PCDHA3: variants seen among roughly 807,000 people sequenced by gnomAD.
PCDHA3 encodes protocadherin alpha 3, also known as protocadherin alpha-3.
A neutral mutation model predicts 62.2 loss-of-function variants in PCDHA3; 41 were observed. The ratio of observed to expected loss-of-function variants is 0.66; its 90% CI spans 0.51 to 0.86. The LOEUF is 0.86. Among genes scored for constraint, PCDHA3 ranks in the 40% least tolerant of loss-of-function variants. The pLI is 0.00. For synonymous variants in PCDHA3, 640 were observed against 555.4 expected, an observed-to-expected ratio of 1.15 and a Z score of -2.14; for missense variants, 1,304 against 1,241.2, an observed-to-expected ratio of 1.05 and a Z score of -0.76.
chr5:140,974,322 G>A (rs11743888), intron 1 of PCDHA3, among the ~76,000 whole-genome samples: 7,497 of 152,260 alleles, frequency 0.049, 207 homozygotes, highest in Middle Eastern at 0.068. Flanking sequence ...GAGAGTAGCT[G>A]CTGTGCTAGC....
At chr5:140,915,207 A>G (rs1238146165) in intron 1 of PCDHA3, among the ~76,000 whole-genome samples, 2 of 152,154 alleles carry the variant, frequency 1.3e-5, no homozygotes, top group Non-Finnish European at 2.9e-5. Flanking sequence ...TTGGCCTCCC[A>G]AAGTGCTGGG....
chr5:140,823,120 G>C (rs868916716), intron 1 of PCDHA3: 3 of 1,613,940 alleles, frequency 1.9e-6, no homozygotes, highest in African/African-American at 1.3e-5. Flanking sequence ...CGACGTGAAC[G>C]ACAACGCTCC....
intron 1 of PCDHA3, chr5:140,883,321 C>T: frequency 6.2e-7 from 1 of 1,614,120 alleles, no homozygotes; most frequent in South Asian, 1.1e-5. Flanking sequence ...CAGAGGTTAC[C>T]ATCACTTCTT....
chr5:140,876,212 A>G lies in PCDHA3; in HGVS notation c.2394+72621A>G, dbSNP rs782252921. On this transcript the variant is annotated intron_variant, in intron 1 of 3. Coordinates refer to ENST00000522353, the MANE Select transcript of PCDHA3 (RefSeq NM_018906.3). Reference sequence around the variant, plus strand: ...GGTCCGGCGTTTGATAAGCCCAGCTATAAAGTAGTGTTGTCTGAAAATGTC... The same window carrying G: ...GGTCCGGCGTTTGATAAGCCCAGCTGTAAAGTAGTGTTGTCTGAAAATGTC... 5.6e-6 allele frequency: 9 copies of G among 1,613,994 alleles called. No individual in the cohort carries two copies. In the East Asian group the frequency reaches 2.0e-4, roughly 36 times the overall value.
intron 3 of PCDHA3, among the ~76,000 whole-genome samples, chr5:140,994,980 C>A (rs1311252472): frequency 4.6e-5 from 7 of 151,992 alleles, no homozygotes; most frequent in Admixed American, 1.3e-4. Flanking sequence ...CCATGGAGAC[C>A]CACTAGAAGG....
At chr5:140,868,478 A>G (rs2050491329) in intron 1 of PCDHA3, 2 of 152,364 alleles carry the variant, frequency 1.3e-5, no homozygotes, top group African/African-American at 2.4e-5. Flanking sequence ...TAAAACTTCA[A>G]TTTTTTCTTT....
intron 1 of PCDHA3, among the ~76,000 whole-genome samples, chr5:140,904,227 C>T (rs1373458999): frequency 5.9e-5 from 9 of 151,978 alleles, no homozygotes; most frequent in African/African-American, 2.2e-4. Context: ...TTGTATTATA[C>T]TTATGCCTTT....
chr5:140,862,746 C>A, intron 1 of PCDHA3: 2 of 577,770 alleles, frequency 3.5e-6, no homozygotes, highest in East Asian at 9.5e-5. Flanking sequence ...TGTGGGTGCA[C>A]GCGGAGAGCG....
chr5:140,807,709 A>C, intron 1 of PCDHA3: 1 of 1,614,254 alleles, frequency 6.2e-7, no homozygotes, highest in Non-Finnish European at 8.5e-7. Flanking sequence ...GACTGAGCCC[A>C]AATGAATACT....
chr5:140,822,617 G>C (rs2150117818), intron 1 of PCDHA3: 14 of 1,610,588 alleles, frequency 8.7e-6, no homozygotes, highest in Non-Finnish European at 1.2e-5. Flanking sequence ...TATTTCTTTA[G>C]TAATCTTGTT....
chr5:140,803,362 G>A lies in PCDHA3; in HGVS notation c.2165G>A (p.Arg722Gln), dbSNP rs782740317. ...VLTLLLYTAL[R>Q]CSAPPTEGDC... ...ACACTGCTGCTATATACTGCTCTGC[G>A]GTGCTCCGCGCCGCCAACCGAAGGC... is the stretch of plus-strand genomic sequence containing the variant. The change falls in exon 1 of 4, where the codon CGG becomes CAG. Residue 722 changes from arginine to glutamine, a missense_variant. By Grantham distance (43) the Arg-to-Gln change is conservative. Coordinates refer to ENST00000522353, the MANE Select transcript of PCDHA3 (RefSeq NM_018906.3). 6 of 1,614,042 alleles carry A rather than the reference G, an allele frequency of 3.7e-6. No homozygotes were observed. Among genetic ancestry groups the A allele is most frequent in the African/African-American group, 2.7e-5 (2 of 74,940 alleles).
intron 1 of PCDHA3, chr5:140,824,334 G>A (rs1768090870): frequency 3.1e-6 from 2 of 641,538 alleles, no homozygotes; most frequent in South Asian, 4.4e-5. Context: ...GTGATATTAA[G>A]TGTTTTTAAA....
chr5:140,836,602 T>C lies in PCDHA3; in HGVS notation c.2394+33011T>C, dbSNP rs2150265229. The C allele has an allele frequency of 3.1e-6, 5 of 1,613,586 alleles. No individual in the cohort carries two copies. The Admixed American group carries it at 5.0e-5, about 16-fold the overall frequency. On this transcript the variant is annotated intron_variant, in intron 1 of 3. Coordinates refer to ENST00000522353, the MANE Select transcript of PCDHA3 (RefSeq NM_018906.3). ...TGTAGTTTGGTAAAGCCCACTCTGGTGTGCTCCAGCGCGGTGGGGAGCTGG... is the reference window on the plus strand; with the variant it reads ...TGTAGTTTGGTAAAGCCCACTCTGGCGTGCTCCAGCGCGGTGGGGAGCTGG...
intron 1 of PCDHA3, chr5:140,809,819 T>A (rs1764549384): frequency 5.0e-6 from 2 of 396,282 alleles, no homozygotes; most frequent in African/African-American, 4.1e-5. Context: ...TTCACTATAT[T>A]CACCCTCTTT....
intron 1 of PCDHA3, among the ~76,000 whole-genome samples, chr5:140,926,207 C>A (rs1259453811): frequency 6.6e-6 from 1 of 152,074 alleles, no homozygotes; most frequent in Non-Finnish European, 1.5e-5. Flanking sequence ...TCGGGGGGCT[C>A]CTGTTTCCTT....
intron 1 of PCDHA3, among the ~76,000 whole-genome samples, chr5:140,933,883 T>C (rs376864592): frequency 1.3e-5 from 2 of 152,084 alleles, no homozygotes; most frequent in East Asian, 1.9e-4. Context: ...GTTTTATCTG[T>C]ACTTTTGAAT....
intron 1 of PCDHA3, among the ~76,000 whole-genome samples, chr5:140,846,022 C>T (rs1294786212): frequency 1.3e-5 from 2 of 149,390 alleles, no homozygotes; most frequent in South Asian, 4.2e-4. Context: ...AAAGTTATTA[C>T]GAGTTTAGGA....
At chr5:141,005,437 C>T (rs1469007749) in intron 3 of PCDHA3, among the ~76,000 whole-genome samples, 4 of 152,092 alleles carry the variant, frequency 2.6e-5, no homozygotes, top group African/African-American at 7.2e-5. Context: ...GGATGAGAGG[C>T]TCACGCCTGT....
chr5:140,809,535 A>C (rs138003823), intron 1 of PCDHA3: 1 of 1,613,920 alleles, frequency 6.2e-7, no homozygotes, highest in Non-Finnish European at 8.5e-7. Flanking sequence ...AGGGACAGAG[A>C]AGATCAGCTG....
Sources: allele counts gnomAD v4.1 joint callset (sites outside exome capture counted in the v4.1 genomes callset), GRCh38; gene constraint gnomAD v4.1.1; transcripts MANE v1.5; gene names NCBI Gene and HGNC (gene_info 2026-07-23, HGNC 2026-07-21).